UBTD1: variants seen among roughly 807,000 people sequenced by gnomAD.
UBTD1 encodes the protein ubiquitin domain containing 1.
Under a neutral mutation model 21.7 loss-of-function variants are expected in UBTD1, and 19 were observed. The observed-to-expected ratio is 0.87, with a 90% CI of 0.61 to 1.28. UBTD1 has a LOEUF of 1.28. Ranked by LOEUF, UBTD1 falls within the 50% of genes most tolerant of loss-of-function variation. The pLI is 0.00. For synonymous variants in UBTD1, 116 were observed against 135.1 expected, an observed-to-expected ratio of 0.86 and a Z score of 0.98; for missense variants, 282 against 315.1, an observed-to-expected ratio of 0.89 and a Z score of 0.80.
At chr10:97,537,694 C>T (rs1450651783) in intron 1 of UBTD1, among the ~76,000 whole-genome samples, 5 of 152,146 alleles carry the variant, frequency 3.3e-5, no homozygotes, top group Non-Finnish European at 7.3e-5. Context: ...TTCCAGAGTC[C>T]TTGTCACACA....
intron 2 of UBTD1, among the ~76,000 whole-genome samples, chr10:97,568,864 C>T (rs775821093): frequency 1.5e-4 from 23 of 151,838 alleles, no homozygotes; most frequent in African/African-American, 3.6e-4. Flanking sequence ...CCTCTTGTTG[C>T]CCAGGCTGGA....
chr10:97,533,768 C>T (rs911520921), intron 1 of UBTD1, among the ~76,000 whole-genome samples: 4 of 151,888 alleles, frequency 2.6e-5, no homozygotes, highest in East Asian at 1.9e-4. Context: ...ACTAAAAATA[C>T]GAAAATTAGC....
chr10:97,555,727 T>C (rs2135683183), intron 1 of UBTD1, among the ~76,000 whole-genome samples: 1 of 152,232 alleles, frequency 6.6e-6, no homozygotes, highest in South Asian at 2.1e-4. Context: ...TTCGCAGTGT[T>C]CTTCTATACA....
intron 1 of UBTD1, among the ~76,000 whole-genome samples, chr10:97,513,662 C>A (rs1272248892): frequency 6.6e-6 from 1 of 152,170 alleles, no homozygotes; most frequent in Non-Finnish European, 1.5e-5. Context: ...AGAAGAAAAT[C>A]TTTGTACTCT....
intron 1 of UBTD1, among the ~76,000 whole-genome samples, chr10:97,555,079 A>G (rs181640838): frequency 1.4e-4 from 22 of 152,308 alleles, no homozygotes; most frequent in African/African-American, 4.6e-4. Context: ...AAACTGTAGA[A>G]TCAGCTCAAG....
chr10:97,509,577 C>A (rs1001737545), intron 1 of UBTD1, among the ~76,000 whole-genome samples: 7 of 152,192 alleles, frequency 4.6e-5, no homozygotes, highest in Non-Finnish European at 1.0e-4. Context: ...CCCTGGTCAC[C>A]TTCTGTTCTG....
chr10:97,503,132 T>C (rs1338767849), intron 1 of UBTD1, among the ~76,000 whole-genome samples: 2 of 152,076 alleles, frequency 1.3e-5, no homozygotes, highest in Non-Finnish European at 2.9e-5. Flanking sequence ...CCCAGGCTGG[T>C]CTGAAACTCC....
chr10:97,568,274 T>G (rs1346629870), intron 2 of UBTD1, 133 bp downstream of exon 2: 1 of 876,166 alleles, frequency 1.1e-6, no homozygotes, highest in African/African-American at 1.7e-5. Flanking sequence ...CACCCCTTAC[T>G]GAGCATGGAC....
intron 1 of UBTD1, among the ~76,000 whole-genome samples, chr10:97,526,926 C>A (rs935085139): frequency 2.7e-5 from 4 of 150,562 alleles, no homozygotes; most frequent in Non-Finnish European, 5.9e-5. Flanking sequence ...AATCCCAGCA[C>A]TTTGGGAGGC....
intron 1 of UBTD1, among the ~76,000 whole-genome samples, chr10:97,503,667 G>A (rs1379814798): frequency 6.6e-6 from 1 of 152,162 alleles, no homozygotes; most frequent in Non-Finnish European, 1.5e-5. Flanking sequence ...TCTTGAGGGA[G>A]TAATTGGGCA....
intron 1 of UBTD1, among the ~76,000 whole-genome samples, chr10:97,514,899 C>T (rs1322664621): frequency 1.3e-5 from 2 of 152,216 alleles, no homozygotes; most frequent in African/African-American, 2.4e-5. Context: ...CTAGAGGGCA[C>T]ACAGTTTGAA....
Position 97,570,248 on chromosome 10 carries a change from G to A in UBTD1, c.409G>A (p.Glu137Lys), listed in dbSNP as rs1357677255. The A allele has an allele frequency of 1.9e-6, 3 of 1,613,044 alleles. No individual in the cohort carries two copies. The East Asian group carries it at 6.7e-5, about 36-fold the overall frequency. The stretch of plus-strand genomic sequence containing the variant: ...GGAGCACACGGAGGAGGAGAGCCTG[G>A]AGCCCCCCGAGCCTCCACCCAGCGT... ...LLEHTEEESL[E>K]PPEPPPSVRR... The change falls in exon 3 of 3, where the codon GAG (glutamate) becomes AAG (lysine). Residue 137 changes from glutamate to lysine, a missense_variant. Coordinates refer to ENST00000370664, the MANE Select transcript of UBTD1 (RefSeq NM_024954.5). This position sits in a 1 kb window ranked among gnomAD's most constrained non-coding sequence, Gnocchi z 6.6.
chr10:97,554,537 G>C (rs906657932), intron 1 of UBTD1, among the ~76,000 whole-genome samples: 1 of 151,760 alleles, frequency 6.6e-6, no homozygotes, highest in Admixed American at 6.6e-5. Flanking sequence ...GTGAGCCACT[G>C]TGCCTGACCA....
chr10:97,509,276 A>G (rs1161910122), intron 1 of UBTD1, among the ~76,000 whole-genome samples: 3 of 152,240 alleles, frequency 2.0e-5, no homozygotes, highest in African/African-American at 7.2e-5. Context: ...TAAGTGGCAG[A>G]AATCATAGAG....
At chr10:97,537,652 C>T (rs2040569575) in intron 1 of UBTD1, among the ~76,000 whole-genome samples, 1 of 152,044 alleles carries the variant, frequency 6.6e-6, no homozygotes, top group Admixed American at 6.6e-5. Flanking sequence ...GGCTTGCTCC[C>T]ACCTGGGCCC....
intron 1 of UBTD1, among the ~76,000 whole-genome samples, chr10:97,532,125 G>C (rs1243265566): frequency 6.6e-6 from 1 of 152,160 alleles, no homozygotes. Context: ...AGTAGATAGT[G>C]GGGGGCTGAC....
intron 1 of UBTD1, among the ~76,000 whole-genome samples, chr10:97,502,877 A>ACG (rs2040382610): frequency 7.8e-6 from 1 of 127,588 alleles, no homozygotes; most frequent in African/African-American, 3.0e-5. Context: ...GTATATATGT[A>ACG]TATATATACG....
chr10:97,532,516 G>C (rs750906069), intron 1 of UBTD1, among the ~76,000 whole-genome samples: 3 of 152,178 alleles, frequency 2.0e-5, no homozygotes, highest in African/African-American at 7.2e-5. Flanking sequence ...GGCGAGGCTA[G>C]TGCGGTGGCT....
intron 1 of UBTD1, among the ~76,000 whole-genome samples, chr10:97,550,655 ATCCT>A (rs2040632881): frequency 6.6e-6 from 1 of 152,104 alleles, no homozygotes; most frequent in African/African-American, 2.4e-5. Context: ...AGGGTCTGCC[ATCCT>A]TCCTTGTGTT....
Sources: gnomAD v4.1 joint callset for allele counts (sites outside exome capture counted in the v4.1 genomes callset) on GRCh38, gnomAD v4.1.1 for gene constraint, Gnocchi (gnomAD v3.1) non-coding constraint, MANE v1.5 for transcripts, NCBI Gene and HGNC (gene_info 2026-07-23, HGNC 2026-07-21) for gene names.